The following NFATC2 variants were observed in gnomAD, a reference collection of about 807,000 sequenced individuals.
The protein encoded by NFATC2 is nuclear factor of activated T cells 2, also known as nuclear factor of activated T-cells, cytoplasmic 2.
A neutral mutation model predicts 87.3 loss-of-function variants in NFATC2; 22 were observed. The ratio of observed to expected loss-of-function variants is 0.25; its 90% CI spans 0.18 to 0.36. The LOEUF (loss-of-function observed/expected upper bound fraction) is 0.36. Among genes scored for constraint, NFATC2 ranks in the 10% least tolerant of loss-of-function variants. NFATC2 has a pLI of 1.00. For synonymous variants in NFATC2, 565 were observed against 542.2 expected, an observed-to-expected ratio of 1.04 and a Z score of -0.58; for missense variants, 1,149 against 1,259.1, an observed-to-expected ratio of 0.91 and a Z score of 1.32.
intron 1 of NFATC2, among the ~76,000 whole-genome samples, chr20:51,539,795 G>A (rs777356463): frequency 2.0e-5 from 3 of 152,082 alleles, no homozygotes; most frequent in Admixed American, 6.6e-5. Context: ...CACCACTCCC[G>A]GCCACAGCAT....
At chr20:51,412,971 G>A (rs1417744781) in intron 9 of NFATC2, among the ~76,000 whole-genome samples, 6 of 9,538 alleles carry the variant, frequency 6.3e-4, no homozygotes, top group African/African-American at 2.0e-3. Context: ...CACCGACCCC[G>A]GCCCCCCCAT....
intron 1 of NFATC2, among the ~76,000 whole-genome samples, chr20:51,533,601 T>C (rs998279294): frequency 2.0e-5 from 3 of 152,250 alleles, no homozygotes; most frequent in Non-Finnish European, 4.4e-5. Context: ...AAAGTCATCC[T>C]GAAGGCGATG....
chr20:51,481,734 C>T (rs1027952409), intron 3 of NFATC2, among the ~76,000 whole-genome samples: 4 of 152,134 alleles, frequency 2.6e-5, no homozygotes, highest in Non-Finnish European at 5.9e-5. Flanking sequence ...ATAATCCACT[C>T]TGTCCCCTTG....
chr20:51,556,689 C>A (rs561159201), intron 1 of NFATC2, among the ~76,000 whole-genome samples: 4 of 122,496 alleles, frequency 3.3e-5, no homozygotes, highest in African/African-American at 1.2e-4. Flanking sequence ...CAAGCACAGG[C>A]AAAGAGAGGG....
At chr20:51,542,749 CG>C (rs1167272535), upstream of NFATC2, 99 of 4,208 alleles carry the variant, frequency 0.024, 6 homozygotes, top group Middle Eastern at 0.5. Context: ...CCCGGGGAGG[CG>C]GGGGGGGGGG....
chr20:51,392,816 G>T (rs1986519625), intron 10 of NFATC2, among the ~76,000 whole-genome samples: 1 of 152,190 alleles, frequency 6.6e-6, no homozygotes, highest in Non-Finnish European at 1.5e-5. Context: ...TAGGTTCAGG[G>T]TGCTTTTCGC....
At chr20:51,549,021 C>T (rs1568756193) in intron 1 of NFATC2, among the ~76,000 whole-genome samples, 1 of 152,124 alleles carries the variant, frequency 6.6e-6, no homozygotes, top group Non-Finnish European at 1.5e-5. Context: ...GAGCCTGGTA[C>T]AGTGGTGCAC....
intron 3 of NFATC2, among the ~76,000 whole-genome samples, chr20:51,488,441 A>G (rs989106021): frequency 6.6e-6 from 1 of 152,222 alleles, no homozygotes; most frequent in African/African-American, 2.4e-5. Context: ...GGTGTTTGTC[A>G]GCATCACTGG....
chr20:51,497,410 G>C (rs1238005819), intron 3 of NFATC2, among the ~76,000 whole-genome samples: 1 of 152,204 alleles, frequency 6.6e-6, no homozygotes, highest in African/African-American at 2.4e-5. Context: ...CATAGTCACG[G>C]GGTTGCTTTA....
Position 51,490,737 on chromosome 20 carries a change from T to C in NFATC2, c.1333-15077A>G, listed in dbSNP as rs2075867851. Among the ~76,000 whole-genome samples, 3 of 152,182 alleles carry C rather than the reference T, an allele frequency of 2.0e-5. No homozygotes were observed. In the South Asian group the frequency reaches 6.2e-4, roughly 31 times the overall value. ...TGGGAGAGTGAGACAGGAAGGTTATTTGAGCCCGGGAGTTTGAGACCAGCT... is the reference window on the plus strand; with the variant it reads ...TGGGAGAGTGAGACAGGAAGGTTATCTGAGCCCGGGAGTTTGAGACCAGCT... On this transcript the variant is annotated intron_variant, in intron 3 of 10. Coordinates refer to ENST00000371564, the MANE Select transcript of NFATC2 (RefSeq NM_012340.5).
intron 1 of NFATC2, among the ~76,000 whole-genome samples, chr20:51,550,962 C>T (rs1601012597): frequency 6.6e-6 from 1 of 152,330 alleles, no homozygotes; most frequent in East Asian, 1.9e-4. Context: ...ACTCCATGTC[C>T]TAACAACCTC....
chr20:51,553,568 G>A (rs189179554), intron 1 of NFATC2, among the ~76,000 whole-genome samples: 203 of 151,918 alleles, frequency 1.3e-3, no homozygotes, highest in African/African-American at 4.6e-3. Flanking sequence ...CCAGCTACTC[G>A]GGAGGCTGAG....
chr20:51,434,184 ACCAAGGCAAGGC>A (rs1983215579), intron 8 of NFATC2, among the ~76,000 whole-genome samples: 1 of 60,382 alleles, frequency 1.7e-5, no homozygotes, highest in Non-Finnish European at 3.0e-5. Context: ...AGTCAAGCTC[ACCAAGGCAAGGC>A]TGCCAGGGCA....
At chr20:51,401,236 G>A (rs557446519) in intron 9 of NFATC2, among the ~76,000 whole-genome samples, 39 of 152,202 alleles carry the variant, frequency 2.6e-4, no homozygotes, top group Admixed American at 7.8e-4. Flanking sequence ...TGGGTGTGAC[G>A]GCAGGTGCCT....
chr20:51,544,452 G>T (rs2076872846), upstream of NFATC2, among the ~76,000 whole-genome samples: 1 of 152,124 alleles, frequency 6.6e-6, no homozygotes, highest in Non-Finnish European at 1.5e-5. Context: ...GCATTCTTCA[G>T]GGGAGCCATC....
Position 51,525,337 on chromosome 20 carries a change from C to T in NFATC2, c.131-1227G>A, listed in dbSNP as rs376131142. ...CTGCTGCCACCTCGAAAGGCCCTAC[C>T]GCTGCAGAATGCTGTTCAAGTAGAA... On this transcript the variant is annotated intron_variant, in intron 1 of 10. Coordinates refer to ENST00000371564, the MANE Select transcript of NFATC2 (RefSeq NM_012340.5). Among the ~76,000 whole-genome samples, 26 of 152,306 alleles carry T rather than the reference C, an allele frequency of 1.7e-4. No homozygotes were observed. The East Asian group carries it at 1.7e-3, about 10-fold the overall frequency.
chr20:51,408,118 G>A (rs1978610103), intron 9 of NFATC2, among the ~76,000 whole-genome samples: 1 of 152,170 alleles, frequency 6.6e-6, no homozygotes, highest in Admixed American at 6.5e-5. Flanking sequence ...CCACCCATGT[G>A]GCAGGGTCGG....
intron 3 of NFATC2, among the ~76,000 whole-genome samples, chr20:51,502,402 T>C (rs6021255): frequency 0.1 from 15,939 of 152,174 alleles, 1,388 homozygotes; most frequent in African/African-American, 0.24. Context: ...CACAGCTCAC[T>C]GCAGCCTCCA....
At chr20:51,503,344 A>G (rs909852972) in intron 3 of NFATC2, among the ~76,000 whole-genome samples, 1 of 152,210 alleles carries the variant, frequency 6.6e-6, no homozygotes, top group Non-Finnish European at 1.5e-5. Flanking sequence ...AAAATCCTAA[A>G]AGACAAGTAA....
Sources: allele counts gnomAD v4.1 joint callset (sites outside exome capture counted in the v4.1 genomes callset), GRCh38; gene constraint gnomAD v4.1.1; transcripts MANE v1.5; gene names NCBI Gene and HGNC (gene_info 2026-07-23, HGNC 2026-07-21).